ROR2: variants seen among roughly 807,000 people sequenced by gnomAD.
ROR2 encodes tyrosine-protein kinase transmembrane receptor ROR2.
In ROR2, 33 loss-of-function variants were observed where a neutral mutation model predicts 74.9. That is an observed-to-expected ratio of 0.44 (90% CI 0.33 to 0.59). The LOEUF (loss-of-function observed/expected upper bound fraction) is 0.59. Ranked by LOEUF, ROR2 falls within the 20% of genes least tolerant of loss-of-function variation. ROR2 has a pLI of 0.02. For synonymous variants in ROR2, 586 were observed against 558.7 expected (o/e 1.05, Z -0.69); for missense variants, 1,216 against 1,313.8 (o/e 0.93, Z 1.15).
At chr9:91,758,682 G>A (rs1218036333) in intron 2 of ROR2, among the ~76,000 whole-genome samples, 1 of 152,190 alleles carries the variant, frequency 6.6e-6, no homozygotes, top group African/African-American at 2.4e-5. Context: ...CCTGATAAGT[G>A]GGGAGCCCAG....
At chr9:91,852,624 AACACAC>A (rs59759515) in intron 1 of ROR2, among the ~76,000 whole-genome samples, 15 of 123,824 alleles carry the variant, frequency 1.2e-4, no homozygotes, top group South Asian at 2.4e-4. Flanking sequence ...AAAACACACA[AACACAC>A]ACACACACAC....
chr9:91,760,823 T>C (rs970014715), intron 2 of ROR2, among the ~76,000 whole-genome samples: 6 of 152,222 alleles, frequency 3.9e-5, no homozygotes, highest in Non-Finnish European at 7.3e-5. Context: ...TCTATGTATC[T>C]ATTTCAGACC....
chr9:91,787,818 C>G (rs1385578913), intron 1 of ROR2, among the ~76,000 whole-genome samples: 2 of 152,058 alleles, frequency 1.3e-5, no homozygotes, highest in African/African-American at 2.4e-5. Flanking sequence ...GAGAAAGTGG[C>G]CAACAGAAAA....
chr9:91,808,289 T>C (rs937705364), intron 1 of ROR2, among the ~76,000 whole-genome samples: 2 of 152,190 alleles, frequency 1.3e-5, no homozygotes, highest in African/African-American at 4.8e-5. Flanking sequence ...ATGTGGTTGA[T>C]GTGAGAAACA....
intron 4 of ROR2, among the ~76,000 whole-genome samples, chr9:91,755,556 T>C (rs536366709): frequency 6.6e-6 from 1 of 152,220 alleles, no homozygotes; most frequent in South Asian, 2.1e-4. Context: ...GAGGCCTGAG[T>C]TCAAAGCCAC....
chr9:91,765,292 G>T (rs1176421020), intron 2 of ROR2, among the ~76,000 whole-genome samples: 1 of 152,018 alleles, frequency 6.6e-6, no homozygotes, highest in South Asian at 2.1e-4. Flanking sequence ...TTTCTAGAAG[G>T]TCTGTTTGGT....
At chr9:91,874,702 G>A (rs562245965) in intron 1 of ROR2, among the ~76,000 whole-genome samples, 39 of 152,270 alleles carry the variant, frequency 2.6e-4, no homozygotes, top group African/African-American at 5.5e-4. Flanking sequence ...CAGAAAGGCC[G>A]AGGTGGGTGG....
chr9:91,754,796 T>A (rs1203404590), intron 4 of ROR2, among the ~76,000 whole-genome samples: 2 of 152,246 alleles, frequency 1.3e-5, no homozygotes, highest in Non-Finnish European at 2.9e-5. Flanking sequence ...TTACTCTGTG[T>A]CTGAAGGACT....
Position 91,755,908 on chromosome 9 carries a change from G to A in ROR2, c.494+163C>T, listed in dbSNP as rs563803886. On this transcript the variant is annotated intron_variant, in intron 4 of 8. Coordinates refer to ENST00000375708, the MANE Select transcript of ROR2 (RefSeq NM_004560.4). ...TACAAGAAACATGAAAAATGTAAAT[G>A]TTTCCCAACCCTAAGCAAGCACGTG... 211 of 706,766 alleles carry A rather than the reference G, an allele frequency of 3.0e-4. 3 individuals carry two copies. The South Asian group carries it at 3.3e-3, about 11-fold the overall frequency. 43.8% of individuals were successfully genotyped at this position (706,766 alleles called of 1,614,324 possible).
chr9:91,889,880 G>C (rs960221405), intron 1 of ROR2, among the ~76,000 whole-genome samples: 1 of 152,166 alleles, frequency 6.6e-6, no homozygotes, highest in Non-Finnish European at 1.5e-5. Flanking sequence ...ACAGCAAAAG[G>C]CTCCAGAATA....
intron 2 of ROR2, among the ~76,000 whole-genome samples, chr9:91,773,350 A>G (rs7039620): frequency 0.23 from 34,346 of 151,430 alleles, 4,253 homozygotes; most frequent in Admixed American, 0.32. Flanking sequence ...GCTTCTCCTC[A>G]AACCGTGCTT....
chr9:91,914,636 C>T (rs1411688934), intron 1 of ROR2, among the ~76,000 whole-genome samples: 1 of 152,140 alleles, frequency 6.6e-6, no homozygotes, highest in Admixed American at 6.5e-5. Context: ...AGGCTTTTCC[C>T]CAAAACTCCT....
At chr9:91,831,127 G>T (rs1194960599) in intron 1 of ROR2, among the ~76,000 whole-genome samples, 1 of 151,984 alleles carries the variant, frequency 6.6e-6, no homozygotes, top group African/African-American at 2.4e-5. Context: ...CTGGTGTGGT[G>T]GTGCATGCCT....
At chr9:91,731,184 C>T (rs774774494) in intron 6 of ROR2, 29 bp from the exon 7 acceptor site, 2 of 1,613,600 alleles carry the variant, frequency 1.2e-6, no homozygotes, top group Admixed American at 1.7e-5. Context: ...TTAGGAAAAC[C>T]TCCGGGGTAC....
chr9:91,726,400 A>G (rs1837033664), intron 8 of ROR2, 141 bp downstream of exon 8: 12 of 852,338 alleles, frequency 1.4e-5, no homozygotes, highest in Non-Finnish European at 2.1e-5. Flanking sequence ...TACAGAAAAA[A>G]AAAATGGCAA....
intron 1 of ROR2, among the ~76,000 whole-genome samples, chr9:91,833,548 C>T (rs562225517): frequency 3.3e-5 from 5 of 152,310 alleles, no homozygotes; most frequent in Admixed American, 3.3e-4. Context: ...CCGTGCCCCC[C>T]AGGCCCCTGG....
At chr9:91,792,862 C>G (rs1401562330) in intron 1 of ROR2, among the ~76,000 whole-genome samples, 1 of 152,064 alleles carries the variant, frequency 6.6e-6, no homozygotes, top group Non-Finnish European at 1.5e-5. Flanking sequence ...CTATATAGAT[C>G]TCTATTAAGT....
At chr9:91,929,338 A>G (rs1831491124) in intron 1 of ROR2, among the ~76,000 whole-genome samples, 1 of 152,236 alleles carries the variant, frequency 6.6e-6, no homozygotes, top group Non-Finnish European at 1.5e-5. Flanking sequence ...ACGTTACCGC[A>G]GCCACAGAGG....
intron 1 of ROR2, among the ~76,000 whole-genome samples, chr9:91,936,748 C>T (rs964860468): frequency 7.2e-5 from 11 of 152,024 alleles, no homozygotes; most frequent in Admixed American, 1.3e-4. Flanking sequence ...TTCCCATCTT[C>T]GGCCGGGCGC....
Sources: gnomAD v4.1 joint callset for allele counts (sites outside exome capture counted in the v4.1 genomes callset) on GRCh38, gnomAD v4.1.1 for gene constraint, MANE v1.5 for transcripts, NCBI Gene and HGNC (gene_info 2026-07-23, HGNC 2026-07-21) for gene names.